The following CDH23 variants were observed in gnomAD, a reference collection of about 807,000 sequenced individuals.
The protein encoded by CDH23 is cadherin-23.
CDH23 carries 189 observed loss-of-function variants against 317.1 expected under a neutral mutation model. The ratio of observed to expected loss-of-function variants is 0.60; its 90% CI spans 0.53 to 0.67. The LOEUF is 0.67. CDH23 is among the 30% of genes least tolerant of loss of function. The pLI, the probability that CDH23 is intolerant of heterozygous loss-of-function variation, is 0.00. For missense variants in CDH23, 4,401 were observed against 4,592.4 expected (o/e 0.96, Z 1.20); for synonymous variants, 1,839 against 1,876.8 (o/e 0.98, Z 0.52).
intron 14 of CDH23, among the ~76,000 whole-genome samples, chr10:71,663,452 C>T (rs1332292336): frequency 6.6e-6 from 1 of 152,258 alleles, no homozygotes; most frequent in Non-Finnish European, 1.5e-5. Context: ...TCTGCCTCCT[C>T]CAGGAAGCCC....
In CDH23 at chr10:71,657,320, C is replaced by T. The variant is rs140344976; in HGVS notation, c.1449+10703C>T. 4.9e-4 allele frequency among the ~76,000 whole-genome samples: 74 copies of T among 152,342 alleles called. No homozygotes were observed. The East Asian group carries it at 9.4e-3, about 19-fold the overall frequency. ...AAGAGTAATTCCTATCTCAGCAATG[C>T]TATGAAATAATGTATGGCCAGGTCA... On this transcript the variant is annotated intron_variant, in intron 14 of 69. Transcript: ENST00000224721.
chr10:71,784,807 C>A, intron 42 of CDH23, 84 bp from the exon 43 acceptor site: 1 of 1,086,370 alleles, frequency 9.2e-7, no homozygotes, highest in Non-Finnish European at 1.4e-6. Context: ...CTCCATGCCG[C>A]CCTTGGCGAA....
intron 3 of CDH23, among the ~76,000 whole-genome samples, chr10:71,456,801 C>T (rs1205280091): frequency 6.6e-6 from 1 of 152,242 alleles, no homozygotes; most frequent in East Asian, 1.9e-4. Context: ...TTATAACCCT[C>T]ATTTTGCAGT....
rs567677588 is a variant in CDH23 at position 71,731,858 on chromosome 10, G to A, written c.3716-129G>A. On this transcript the variant is annotated intron_variant, in intron 31 of 69. Coordinates refer to ENST00000224721, the MANE Select transcript of CDH23 (RefSeq NM_022124.6). ...CTGCTGCATCTCTGAGGATGATCCT[G>A]CCGGCAGAGGTGGGGCAGCCCATGC... The A allele has an allele frequency of 9.6e-5, 85 of 884,510 alleles. 1 individual carries two copies. In the East Asian group the frequency reaches 2.1e-3, roughly 22 times the overall value. 54.8% of individuals were successfully genotyped at this position (884,510 alleles called of 1,614,324 possible).
intron 68 of CDH23, 51 bp downstream of exon 68, chr10:71,812,941 C>G: frequency 6.2e-7 from 1 of 1,603,324 alleles, no homozygotes; most frequent in South Asian, 1.1e-5. Context: ...GAGGTTGGAC[C>G]CCACTCCAGA....
At chr10:71,443,877 G>C (rs1451086950) in intron 2 of CDH23, among the ~76,000 whole-genome samples, 1 of 152,278 alleles carries the variant, frequency 6.6e-6, no homozygotes, top group Non-Finnish European at 1.5e-5. Context: ...GGGAACACAG[G>C]TCCTGTTTGG....
intron 6 of CDH23, among the ~76,000 whole-genome samples, chr10:71,552,979 C>T (rs1051287382): frequency 3.3e-5 from 5 of 152,112 alleles, no homozygotes; most frequent in Non-Finnish European, 7.4e-5. Flanking sequence ...ACCATCCAGT[C>T]CCCCCACTCC....
At position 71,812,516 on chromosome 10, in the gene CDH23, C is replaced by T; in HGVS notation, c.9417C>T (p.Asn3139=). The change falls in exon 67 of 70, where the codon AAC becomes AAT. Residue 3139 remains asparagine (N), a synonymous_variant. Coordinates refer to ENST00000224721, the MANE Select transcript of CDH23 (RefSeq NM_022124.6). ...TGTGGCTGGATCCCTTCTGTCGGAA[C>T]CTGGAGCTGGCCGCCCAGGCGGAGC... ...NPVWLDPFCR[N]LELAAQAEHE... is the part of the protein sequence containing the mutation. The T allele has an allele frequency of 6.7e-7, 1 of 1,494,210 alleles. No homozygotes were observed. The highest frequency in any genetic ancestry group is 1.1e-5 in the South Asian group (1 of 89,548). 92.6% of individuals were successfully genotyped at this position (1,494,210 alleles called of 1,614,324 possible). A position where few individuals can be genotyped will look rare whatever the true frequency, so the allele number is the denominator to read the frequency against.
intron 6 of CDH23, among the ~76,000 whole-genome samples, chr10:71,525,054 T>C (rs549546230): frequency 6.6e-6 from 1 of 152,230 alleles, no homozygotes; most frequent in South Asian, 2.1e-4. Flanking sequence ...ATTACAGGCG[T>C]GCACCACCAT....
At chr10:71,580,957 C>A (rs1453766967) in intron 9 of CDH23, among the ~76,000 whole-genome samples, 1 of 152,176 alleles carries the variant, frequency 6.6e-6, no homozygotes, top group Non-Finnish European at 1.5e-5. Flanking sequence ...GCACTGTCCC[C>A]AGGGGAGCAG....
At chr10:71,424,037 C>G (rs568409543) in intron 1 of CDH23, among the ~76,000 whole-genome samples, 2 of 152,240 alleles carry the variant, frequency 1.3e-5, no homozygotes, top group African/African-American at 4.8e-5. Flanking sequence ...TGGGAAGAGG[C>G]AAGGCAAGAG....
At chr10:71,639,654 GT>G (rs1159866960) in intron 11 of CDH23, among the ~76,000 whole-genome samples, 1 of 152,186 alleles carries the variant, frequency 6.6e-6, no homozygotes, top group East Asian at 1.9e-4. Flanking sequence ...TCTGGCCCCA[GT>G]TTCTTTCTCC....
intron 3 of CDH23, among the ~76,000 whole-genome samples, chr10:71,483,385 T>C (rs1852174399): frequency 6.6e-6 from 1 of 152,222 alleles, no homozygotes; most frequent in African/African-American, 2.4e-5. Flanking sequence ...TTTATCAATC[T>C]GCAGATGGTG....
intron 6 of CDH23, among the ~76,000 whole-genome samples, chr10:71,512,591 G>T (rs1386770285): frequency 6.6e-6 from 1 of 152,208 alleles, no homozygotes; most frequent in East Asian, 1.9e-4. Flanking sequence ...TGCCATCCTG[G>T]CAGGCATGGC....
chr10:71,628,744 T>C (rs1861866556), intron 11 of CDH23, among the ~76,000 whole-genome samples: 1 of 152,170 alleles, frequency 6.6e-6, no homozygotes, highest in African/African-American at 2.4e-5. Context: ...GTGATCCTCC[T>C]GCCTCATCCT....
At chr10:71,542,183 T>G (rs1182559828) in intron 6 of CDH23, among the ~76,000 whole-genome samples, 1 of 152,204 alleles carries the variant, frequency 6.6e-6, no homozygotes, top group East Asian at 1.9e-4. Flanking sequence ...TGTAGTTGAC[T>G]TGGAGATAGA....
In CDH23 at chr10:71,486,809, G is replaced by T. The variant is rs116991329; in HGVS notation, c.146-23273G>T. On this transcript the variant is annotated intron_variant, in intron 3 of 69. Transcript: ENST00000224721. The stretch of plus-strand genomic sequence containing the variant: ...ATTGCTGTGCAGGAGGCTTACGGGG[G>T]TGTGCAGGAGTGAGGGAGCAGGACT... Among the ~76,000 whole-genome samples the T allele has an allele frequency of 5.9e-5, 9 of 152,302 alleles. No individual in the cohort carries two copies. In the East Asian group the frequency reaches 1.5e-3, roughly 26 times the overall value.
intron 32 of CDH23, among the ~76,000 whole-genome samples, chr10:71,733,053 T>C (rs1839442737): frequency 6.6e-6 from 1 of 151,118 alleles, no homozygotes; most frequent in Non-Finnish European, 1.5e-5. Context: ...CTAGGTTGTT[T>C]GACCCATGCT....
chr10:71,539,097 T>C (rs1428507906), intron 6 of CDH23, among the ~76,000 whole-genome samples: 1 of 152,200 alleles, frequency 6.6e-6, no homozygotes, highest in Non-Finnish European at 1.5e-5. Flanking sequence ...TGGCTCTGCC[T>C]AGGGAACTAC....
Sources: allele counts gnomAD v4.1 joint callset (sites outside exome capture counted in the v4.1 genomes callset), GRCh38; gene constraint gnomAD v4.1.1; transcripts MANE v1.5; gene names NCBI Gene and HGNC (gene_info 2026-07-23, HGNC 2026-07-21).